Variants in FZD3 observed in about 807,000 individuals in gnomAD.
FZD3 encodes frizzled class receptor 3, also known as frizzled-3.
A neutral mutation model predicts 60.7 loss-of-function variants in FZD3; 30 were observed. The ratio of observed to expected loss-of-function variants is 0.49; its 90% CI spans 0.37 to 0.67. The LOEUF (loss-of-function observed/expected upper bound fraction) is 0.67, where lower values mean the gene tolerates loss of function less well. Ranked by LOEUF, FZD3 falls within the 30% of genes least tolerant of loss-of-function variation. The probability of loss-of-function intolerance (pLI) is 0.00; values close to 1 mark genes in which losing one functional copy is unlikely to be tolerated. For synonymous variants in FZD3, 246 were observed against 275.2 expected (o/e 0.89, Z 1.05); for missense variants, 605 against 838.7 (o/e 0.72, Z 3.44).
At chr8:28,534,388 A>G (rs1205433704) in intron 5 of FZD3, among the ~76,000 whole-genome samples, 1 of 152,180 alleles carries the variant, frequency 6.6e-6, no homozygotes, top group Non-Finnish European at 1.5e-5. Flanking sequence ...CCCCATTTCT[A>G]CAAAAAATGT....
chr8:28,501,162 C>T (rs1220770203), intron 2 of FZD3, among the ~76,000 whole-genome samples: 3 of 152,094 alleles, frequency 2.0e-5, no homozygotes, highest in South Asian at 2.1e-4. Flanking sequence ...GAACATGAGG[C>T]GCTTTAGGGC....
At position 28,563,040 on chromosome 8, in the gene FZD3, G is replaced by T. The variant is rs375132117; in HGVS notation, c.*29G>T. Reference sequence around the variant, plus strand: ...GTCTTGTCTAAGGTGGAAATCTTGTGCTGTTTAAAAAGCAGATTTTATTCT... The same window carrying T: ...GTCTTGTCTAAGGTGGAAATCTTGTTCTGTTTAAAAAGCAGATTTTATTCT... On this transcript the variant is annotated 3_prime_UTR_variant, in exon 8 of 8. Transcript: ENST00000240093. 2.6e-6 allele frequency: 4 copies of T among 1,512,724 alleles called. No homozygotes were observed. The highest frequency in any genetic ancestry group is 3.7e-6 in the Non-Finnish European group (4 of 1,087,766). The allele number at this position is 1,512,724 out of a possible 1,614,324, so 93.7% of individuals were successfully genotyped here. A position where few individuals can be genotyped will look rare whatever the true frequency, so the allele number is the denominator to read the frequency against.
At chr8:28,497,586 GA>G in intron 1 of FZD3, among the ~76,000 whole-genome samples, 1 of 152,288 alleles carries the variant, frequency 6.6e-6, no homozygotes, top group South Asian at 2.1e-4. Flanking sequence ...CATTTACTTT[GA>G]AACAACCTTT....
intron 3 of FZD3, among the ~76,000 whole-genome samples, chr8:28,514,113 C>T (rs1430946441): frequency 6.6e-6 from 1 of 152,124 alleles, no homozygotes; most frequent in Non-Finnish European, 1.5e-5. Context: ...TTCCTATACC[C>T]TGGTCTTGAT....
intron 5 of FZD3, among the ~76,000 whole-genome samples, chr8:28,547,148 A>C (rs1478281564): frequency 6.6e-6 from 1 of 152,122 alleles, no homozygotes; most frequent in Non-Finnish European, 1.5e-5. Flanking sequence ...CGCGTGTACA[A>C]ACAAGTATAT....
chr8:28,522,284 AAC>A (rs1804601814), intron 4 of FZD3, among the ~76,000 whole-genome samples: 1 of 152,054 alleles, frequency 6.6e-6, no homozygotes, highest in South Asian at 2.1e-4. Flanking sequence ...TGAAAAAAAA[AAC>A]AGTGTTATTT....
rs1804773737 is a variant in FZD3, at chr8:28,528,314, T to C, written c.1404+150T>C. On this transcript the variant is annotated intron_variant, in intron 5 of 7. Transcript: ENST00000240093. ...TAAGGATGAGATGACAAATATGTTG[T>C]AGTAAATATGTAATACACATATTTG... 2 of 629,258 alleles carry C rather than the reference T, an allele frequency of 3.2e-6. 1 individual carries two copies. The highest frequency in any genetic ancestry group is 4.0e-5 in the South Asian group (2 of 49,530). The allele number at this position is 629,258 out of a possible 1,614,324, so 39.0% of individuals were successfully genotyped here.
intron 6 of FZD3, among the ~76,000 whole-genome samples, chr8:28,554,795 C>G (rs28430447): frequency 0.019 from 2,830 of 152,098 alleles, 80 homozygotes; most frequent in African/African-American, 0.064. Context: ...TAATGACAAT[C>G]CTTTTGTAAT....
At chr8:28,534,878 T>G (rs1346267626) in intron 5 of FZD3, among the ~76,000 whole-genome samples, 1 of 152,214 alleles carries the variant, frequency 6.6e-6, no homozygotes, top group Non-Finnish European at 1.5e-5. Flanking sequence ...CTGCTGTTAT[T>G]GAGTGTGCCT....
intron 5 of FZD3, among the ~76,000 whole-genome samples, chr8:28,543,072 T>G (rs1475317268): frequency 1.3e-5 from 2 of 152,184 alleles, no homozygotes; most frequent in Non-Finnish European, 2.9e-5. Flanking sequence ...GCCTCTTATT[T>G]TATAAAAAGT....
Position 28,527,361 on chromosome 8 carries a change from T to C in FZD3, c.601T>C (p.Phe201Leu). 1 of 1,613,816 alleles carries C rather than the reference T, an allele frequency of 6.2e-7. No homozygotes were observed. Among genetic ancestry groups the C allele is most frequent in the Non-Finnish European group, 8.5e-7 (1 of 1,179,686 alleles). ...GTACTTCAGAAGAGAAGAACTGTCA[T>C]TTGCTCGCTATTTCATAGGATTGAT... ...NMYFRREELS[F>L]ARYFIGLISI... Residue 201 changes from phenylalanine (F) to leucine (L), a missense_variant, in exon 5 of 8, where the codon TTT becomes CTT. Phe to Leu is a conservative substitution (Grantham distance 22). Coordinates refer to ENST00000240093, the MANE Select transcript of FZD3 (RefSeq NM_017412.4). This position sits in a 1 kb window ranked among gnomAD's most constrained non-coding sequence, Gnocchi z 5.0.
In FZD3 at chr8:28,572,374, T is replaced by C. The variant is rs1407145719; in HGVS notation, c.*9363T>C. Reference sequence around the variant, plus strand: ...CCCTATCAATATATCAGAGGCTTTATGAAGGAGACTCTACAGATAACCACA... The same window carrying C: ...CCCTATCAATATATCAGAGGCTTTACGAAGGAGACTCTACAGATAACCACA... On this transcript the variant is annotated 3_prime_UTR_variant, in exon 8 of 8. Coordinates refer to ENST00000240093, the MANE Select transcript of FZD3 (RefSeq NM_017412.4). 2.0e-5 allele frequency: 3 copies of C among 152,228 alleles called. No individual in the cohort carries two copies. The highest frequency in any genetic ancestry group is 4.4e-5 in the Non-Finnish European group (3 of 68,030). 9.4% of individuals were successfully genotyped at this position (152,228 alleles called of 1,614,324 possible).
chr8:28,545,190 A>T (rs541095206), intron 5 of FZD3, among the ~76,000 whole-genome samples: 1 of 152,338 alleles, frequency 6.6e-6, no homozygotes, highest in African/African-American at 2.4e-5. Context: ...CTTCAGAGAG[A>T]TGCAGCCCCC....
chr8:28,562,667 GTTGGTTA>G, intron 7 of FZD3, 124 bp from the exon 8 acceptor site: 1 of 638,246 alleles, frequency 1.6e-6, no homozygotes. Flanking sequence ...GCAATCAAAA[GTTGGTTA>G]TTACTTTCTC....
chr8:28,551,593 G>A lies in FZD3; in HGVS notation c.1405-10G>A. ...ATATATTTAAGATGCTTTTCTTTCT[G>A]TTCTTCCAGGTTACTCAAATGAGTC... On this transcript the variant is annotated splice_polypyrimidine_tract_variant and intron_variant, in intron 5 of 7. Coordinates refer to ENST00000240093, the MANE Select transcript of FZD3 (RefSeq NM_017412.4). 1 of 1,574,196 alleles carries A rather than the reference G, an allele frequency of 6.4e-7. No homozygotes were observed. Among genetic ancestry groups the A allele is most frequent in the Non-Finnish European group, 8.7e-7 (1 of 1,150,302 alleles).
intron 4 of FZD3, among the ~76,000 whole-genome samples, chr8:28,522,767 CTTTTTTTTTTTT>C (rs35662589): frequency 1.0e-5 from 1 of 96,872 alleles, no homozygotes; most frequent in Non-Finnish European, 2.0e-5. Context: ...AGGGAACTTT[CTTTTTTTTTTTT>C]TTTTTTTTTG....
chr8:28,541,269 A>G (rs1458593598), intron 5 of FZD3, among the ~76,000 whole-genome samples: 1 of 152,196 alleles, frequency 6.6e-6, no homozygotes, highest in Non-Finnish European at 1.5e-5. Flanking sequence ...AACAGGTGTT[A>G]TTTGAGTTGC....
Position 28,547,529 on chromosome 8 carries a change from C to T in FZD3, c.1405-4074C>T, listed in dbSNP as rs558563046. Among the ~76,000 whole-genome samples the T allele has an allele frequency of 7.2e-5, 11 of 152,316 alleles. No homozygotes were observed. The East Asian group carries it at 1.7e-3, about 24-fold the overall frequency. On this transcript the variant is annotated intron_variant, in intron 5 of 7. Coordinates refer to ENST00000240093, the MANE Select transcript of FZD3 (RefSeq NM_017412.4). The stretch of plus-strand genomic sequence containing the variant: ...ACCAATATATGAGAGTATTCGTCCA[C>T]ACATTTGCTAATGCAATATACTGTC...
chr8:28,523,081 T>G (rs553683093), intron 4 of FZD3, among the ~76,000 whole-genome samples: 144 of 152,312 alleles, frequency 9.5e-4, no homozygotes, highest in Non-Finnish European at 1.3e-3. Flanking sequence ...CAAAGGGAAC[T>G]TTCATAGCAA....
Sources: gnomAD v4.1 joint callset for allele counts (sites outside exome capture counted in the v4.1 genomes callset) on GRCh38, gnomAD v4.1.1 for gene constraint, Gnocchi (gnomAD v3.1) non-coding constraint, MANE v1.5 for transcripts, NCBI Gene and HGNC (gene_info 2026-07-23, HGNC 2026-07-21) for gene names.